The following WDFY1 variants were observed in gnomAD, a reference collection of about 807,000 sequenced individuals.
WDFY1 encodes the protein WD repeat and FYVE domain containing 1, also known as WD repeat and FYVE domain-containing protein 1.
WDFY1 carries 32 observed loss-of-function variants against 56.4 expected under a neutral mutation model. The ratio of observed to expected loss-of-function variants is 0.57; its 90% CI spans 0.43 to 0.76. WDFY1 has a LOEUF of 0.76. WDFY1 is among the 30% of genes least tolerant of loss of function. WDFY1 has a pLI of 0.00. For missense variants in WDFY1, 480 were observed against 545.7 expected, an observed-to-expected ratio of 0.88 and a Z score of 1.20; for synonymous variants, 192 against 197.3, an observed-to-expected ratio of 0.97 and a Z score of 0.23.
chr2:223,887,606 T>A (rs186316704), intron 8 of WDFY1, among the ~76,000 whole-genome samples: 1 of 152,354 alleles, frequency 6.6e-6, no homozygotes, highest in East Asian at 1.9e-4. Context: ...CTTTCTTTTG[T>A]CTACAGTTAA....
Position 223,911,521 on chromosome 2 carries a change from G to C in WDFY1, c.279+732C>G, listed in dbSNP as rs1693699629. ...TCAGGTCCTTTGCCAAAGATAGTTTGAGAAGTATTGCCTTAAAGAGTTCTG... is the reference window on the plus strand; with the variant it reads ...TCAGGTCCTTTGCCAAAGATAGTTTCAGAAGTATTGCCTTAAAGAGTTCTG... On this transcript the variant is annotated intron_variant, in intron 3 of 11. Coordinates refer to ENST00000233055, the MANE Select transcript of WDFY1 (RefSeq NM_020830.5). Among the ~76,000 whole-genome samples the C allele has an allele frequency of 2.0e-5, 3 of 151,808 alleles. No homozygotes were observed. The South Asian group carries it at 6.2e-4, about 31-fold the overall frequency.
At chr2:223,920,667 T>C (rs1278698373) in intron 1 of WDFY1, among the ~76,000 whole-genome samples, 2 of 152,040 alleles carry the variant, frequency 1.3e-5, no homozygotes, top group Non-Finnish European at 2.9e-5. Context: ...TAAAACAAAG[T>C]CTCACCAGGC....
rs1466962819 is a variant in WDFY1 at position 223,875,744 on chromosome 2, T to TA, written c.*2926dup. On this transcript the variant is annotated 3_prime_UTR_variant, in exon 12 of 12. Coordinates refer to ENST00000233055, the MANE Select transcript of WDFY1 (RefSeq NM_020830.5). ...TTACTTATTTGTTAAGCCTTACACTTACGATGAGCAGATGGTTTATCACTA... is the reference window on the plus strand; with the variant it reads ...TTACTTATTTGTTAAGCCTTACACTTAACGATGAGCAGATGGTTTATCACTA... 8 of 152,184 alleles carry TA rather than the reference T, an allele frequency of 5.3e-5. No individual in the cohort carries two copies. Among genetic ancestry groups the TA allele is most frequent in the Non-Finnish European group, 1.0e-4 (7 of 68,022 alleles). The allele number at this position is 152,184 out of a possible 1,614,324, so 9.4% of individuals were successfully genotyped here. A position where few individuals can be genotyped will look rare whatever the true frequency, so the allele number is the denominator to read the frequency against.
At chr2:223,931,464 TAGA>T (rs1016693006) in intron 1 of WDFY1, among the ~76,000 whole-genome samples, 5 of 152,308 alleles carry the variant, frequency 3.3e-5, no homozygotes, top group African/African-American at 1.2e-4. Context: ...TCATAATAAG[TAGA>T]AGGATTCCTT....
chr2:223,944,738 G>A (rs1228402903), intron 1 of WDFY1, among the ~76,000 whole-genome samples: 1 of 145,186 alleles, frequency 6.9e-6, no homozygotes, highest in Non-Finnish European at 1.5e-5. Flanking sequence ...GCGTTGGGGA[G>A]CATTGGAACA....
intron 2 of WDFY1, among the ~76,000 whole-genome samples, chr2:223,913,477 G>A (rs1347412892): frequency 6.6e-6 from 1 of 152,118 alleles, no homozygotes; most frequent in African/African-American, 2.4e-5. Flanking sequence ...AATTGACTAT[G>A]AGCCTGTATA....
chr2:223,919,067 C>T (rs1175135453), intron 1 of WDFY1, among the ~76,000 whole-genome samples: 1 of 152,200 alleles, frequency 6.6e-6, no homozygotes, highest in Non-Finnish European at 1.5e-5. Context: ...CTCTCAGGGC[C>T]TCTGGGCGCC....
intron 4 of WDFY1, among the ~76,000 whole-genome samples, chr2:223,904,405 C>T (rs1210370218): frequency 7.7e-6 from 1 of 129,526 alleles, no homozygotes; most frequent in African/African-American, 2.9e-5. Context: ...GCATGTGTCA[C>T]CAGGTCCAGC....
chr2:223,945,106 C>A (rs764913309), intron 1 of WDFY1, 42 bp downstream of exon 1: 1 of 1,546,836 alleles, frequency 6.5e-7, no homozygotes. Context: ...CACACCCCGT[C>A]GTCGCGGAGT....
At chr2:223,897,522 G>A (rs1425428719) in intron 6 of WDFY1, among the ~76,000 whole-genome samples, 3 of 151,598 alleles carry the variant, frequency 2.0e-5, no homozygotes, top group Admixed American at 6.6e-5. Context: ...TGGGACTACA[G>A]GCACCTGCCA....
chr2:223,894,502 AT>A, intron 7 of WDFY1, 163 bp from the exon 8 acceptor site: 1 of 647,688 alleles, frequency 1.5e-6, no homozygotes, highest in Non-Finnish European at 2.7e-6. Flanking sequence ...TTTACTTGGC[AT>A]TTTATAACTC....
chr2:223,925,689 G>T (rs1193310907), intron 1 of WDFY1, among the ~76,000 whole-genome samples: 2 of 152,212 alleles, frequency 1.3e-5, no homozygotes, highest in Non-Finnish European at 2.9e-5. Context: ...TTCAAAAGTG[G>T]AGTCAATCTT....
intron 1 of WDFY1, among the ~76,000 whole-genome samples, chr2:223,925,062 G>A (rs1393318582): frequency 1.3e-5 from 2 of 152,016 alleles, no homozygotes; most frequent in Non-Finnish European, 2.9e-5. Context: ...CTTCATATAA[G>A]CTTTATCCAA....
intron 5 of WDFY1, among the ~76,000 whole-genome samples, chr2:223,899,822 C>T (rs898547794): frequency 1.3e-5 from 2 of 151,976 alleles, no homozygotes; most frequent in African/African-American, 2.4e-5. Flanking sequence ...AGCTCTGAAA[C>T]GTAATGGTTA....
chr2:223,884,435 A>G (rs964375156), intron 9 of WDFY1, among the ~76,000 whole-genome samples: 1 of 152,198 alleles, frequency 6.6e-6, no homozygotes, highest in Non-Finnish European at 1.5e-5. Flanking sequence ...TGCCTTTCCA[A>G]TACAGGACAA....
intron 1 of WDFY1, among the ~76,000 whole-genome samples, chr2:223,934,073 TTTC>T (rs1316943546): frequency 9.4e-5 from 10 of 106,212 alleles, no homozygotes; most frequent in African/African-American, 3.4e-4. Flanking sequence ...TAGCAGCCTT[TTTC>T]TTTTCTTTTT....
Position 223,878,360 on chromosome 2 carries a change from G to A in WDFY1, c.*311C>T. 4.4e-6 allele frequency: 1 copy of A among 229,788 alleles called. No individual in the cohort carries two copies. The highest frequency in any genetic ancestry group is 8.5e-6 in the Non-Finnish European group (1 of 116,968). 14.2% of individuals were successfully genotyped at this position (229,788 alleles called of 1,614,324 possible). On this transcript the variant is annotated 3_prime_UTR_variant, in exon 12 of 12. Transcript: ENST00000233055. ...GTTCTAAGCATTCACTTTTTTGTTT[G>A]ATTTTTTGTCCCCGCTAAAACTCAT...
intron 1 of WDFY1, among the ~76,000 whole-genome samples, chr2:223,929,297 C>T (rs1376095801): frequency 3.3e-5 from 5 of 151,264 alleles, no homozygotes; most frequent in African/African-American, 4.9e-5. Context: ...AAGCGATTCT[C>T]CTGCCTCAGC....
At chr2:223,926,914 T>C (rs1430191203) in intron 1 of WDFY1, among the ~76,000 whole-genome samples, 1 of 152,138 alleles carries the variant, frequency 6.6e-6, no homozygotes, top group African/African-American at 2.4e-5. Flanking sequence ...GTGATCTGTC[T>C]GCTTCGGCCT....
Sources: allele counts gnomAD v4.1 joint callset (sites outside exome capture counted in the v4.1 genomes callset), GRCh38; gene constraint gnomAD v4.1.1; transcripts MANE v1.5; gene names NCBI Gene and HGNC (gene_info 2026-07-23, HGNC 2026-07-21).